SAMD12: variants seen among roughly 807,000 people sequenced by gnomAD.
SAMD12 encodes the protein sterile alpha motif domain-containing protein 12.
Under a neutral mutation model 15.0 loss-of-function variants are expected in SAMD12, and 9 were observed. The observed-to-expected ratio is 0.60, with a 90% CI of 0.36 to 1.05. SAMD12 has a LOEUF of 1.05. Among genes scored for constraint, SAMD12 ranks in the 50% least tolerant of loss-of-function variants. SAMD12 has a pLI of 0.01. For missense variants in SAMD12, 230 were observed against 234.2 expected, an observed-to-expected ratio of 0.98 and a Z score of 0.12; for synonymous variants, 86 against 90.1, an observed-to-expected ratio of 0.96 and a Z score of 0.25.
intron 2 of SAMD12, among the ~76,000 whole-genome samples, chr8:118,572,114 T>C (rs1827027622): frequency 6.6e-6 from 1 of 152,236 alleles, no homozygotes; most frequent in Non-Finnish European, 1.5e-5. Flanking sequence ...ATGTGAGATA[T>C]GGAGTCAAAG....
intron 2 of SAMD12, among the ~76,000 whole-genome samples, chr8:118,458,922 A>C (rs190158368): frequency 2.0e-5 from 3 of 150,722 alleles, no homozygotes; most frequent in East Asian, 3.9e-4. Context: ...CCATTGTTCA[A>C]AGCAAATAGT....
At chr8:118,406,890 T>TTG (rs3052708) in intron 3 of SAMD12, among the ~76,000 whole-genome samples, 11,129 of 147,362 alleles carry the variant, frequency 0.076, 426 homozygotes, top group Middle Eastern at 0.12. Flanking sequence ...CAATATTCCA[T>TTG]TGTGTGTGTG....
intron 3 of SAMD12, among the ~76,000 whole-genome samples, chr8:118,425,897 T>C (rs143839388): frequency 0.011 from 1,643 of 152,274 alleles, 10 homozygotes; most frequent in Middle Eastern, 0.031. Flanking sequence ...TAATGGACTT[T>C]TCATAAGAAT....
intron 1 of SAMD12, among the ~76,000 whole-genome samples, chr8:118,619,903 T>C (rs544289617): frequency 6.6e-6 from 1 of 152,284 alleles, no homozygotes; most frequent in East Asian, 1.9e-4. Flanking sequence ...CAGGCTGATA[T>C]CTTTGCAAAG....
At chr8:118,339,567 G>A (rs1355332642) in intron 4 of SAMD12, among the ~76,000 whole-genome samples, 2 of 152,218 alleles carry the variant, frequency 1.3e-5, no homozygotes, top group Non-Finnish European at 2.9e-5. Flanking sequence ...CAGCTCTGAG[G>A]AGTGGTGCTG....
chr8:118,348,231 C>T (rs1357400493), intron 4 of SAMD12, among the ~76,000 whole-genome samples: 1 of 152,124 alleles, frequency 6.6e-6, no homozygotes, highest in East Asian at 1.9e-4. Flanking sequence ...TATGTGCTAC[C>T]ATGCCTGGCT....
intron 2 of SAMD12, among the ~76,000 whole-genome samples, chr8:118,499,898 A>C (rs896206917): frequency 1.1e-4 from 17 of 152,158 alleles, no homozygotes; most frequent in Middle Eastern, 3.4e-3. Context: ...GACTGTCCTT[A>C]ATATGGCTTC....
At chr8:118,262,040 C>A (rs1813090441) in intron 4 of SAMD12, among the ~76,000 whole-genome samples, 1 of 151,978 alleles carries the variant, frequency 6.6e-6, no homozygotes, top group Non-Finnish European at 1.5e-5. Context: ...ATGAACAAAT[C>A]TGGAGGAAAT....
intron 4 of SAMD12, among the ~76,000 whole-genome samples, chr8:118,201,035 T>C (rs1819701381): frequency 2.0e-5 from 3 of 152,194 alleles, no homozygotes; most frequent in Admixed American, 1.3e-4. Context: ...CACATCTGTA[T>C]AGTGATGGGT....
chr8:118,283,066 G>A (rs1241779740), intron 4 of SAMD12, among the ~76,000 whole-genome samples: 3 of 152,046 alleles, frequency 2.0e-5, no homozygotes, highest in African/African-American at 7.2e-5. Context: ...AATTTCACAT[G>A]ATCTCAATAG....
chr8:118,605,232 T>C (rs1827957818), intron 1 of SAMD12, among the ~76,000 whole-genome samples: 1 of 152,222 alleles, frequency 6.6e-6, no homozygotes, highest in Non-Finnish European at 1.5e-5. Flanking sequence ...GGACAGTAAT[T>C]TGTTGCTTTC....
At chr8:118,593,282 G>A (rs1011561708) in intron 1 of SAMD12, among the ~76,000 whole-genome samples, 13 of 152,208 alleles carry the variant, frequency 8.5e-5, no homozygotes, top group African/African-American at 2.9e-4. Context: ...AAGGCTAAAA[G>A]TAGTTCAAAG....
chr8:118,170,507 T>C, the SAMD12 span, among the ~76,000 whole-genome samples: 2 of 152,194 alleles, frequency 1.3e-5, no homozygotes. Context: ...GGCATGCTAC[T>C]GTAAAAATAA....
chr8:118,456,808 C>G (rs1319986555), intron 2 of SAMD12, among the ~76,000 whole-genome samples: 1 of 152,222 alleles, frequency 6.6e-6, no homozygotes, highest in Non-Finnish European at 1.5e-5. Context: ...AGAAGCCTTT[C>G]TGTCACTGTA....
intron 2 of SAMD12, among the ~76,000 whole-genome samples, chr8:118,569,675 T>C (rs1311048978): frequency 6.6e-6 from 1 of 152,054 alleles, no homozygotes; most frequent in Non-Finnish European, 1.5e-5. Context: ...CTTAGCTCAC[T>C]CTCTCTGCCA....
intron 3 of SAMD12, among the ~76,000 whole-genome samples, chr8:118,413,539 T>C (rs1821529176): frequency 6.6e-6 from 1 of 152,196 alleles, no homozygotes; most frequent in African/African-American, 2.4e-5. Context: ...ACAATGGTCT[T>C]ATCTCTGGAT....
At chr8:118,547,017 T>TCC (rs1826149078) in intron 2 of SAMD12, among the ~76,000 whole-genome samples, 1 of 152,210 alleles carries the variant, frequency 6.6e-6, no homozygotes, top group Non-Finnish European at 1.5e-5. Flanking sequence ...AAAGAATGTT[T>TCC]ACAGAATATT....
chr8:118,511,512 G>T (rs1330006990), intron 2 of SAMD12, among the ~76,000 whole-genome samples: 4 of 151,860 alleles, frequency 2.6e-5, no homozygotes, highest in African/African-American at 9.7e-5. Context: ...GGGTAGATTT[G>T]ATAATGCAAA....
At chr8:118,578,218 C>T (rs1827199035) in intron 2 of SAMD12, among the ~76,000 whole-genome samples, 1 of 152,130 alleles carries the variant, frequency 6.6e-6, no homozygotes, top group African/African-American at 2.4e-5. Flanking sequence ...TCTTCTACAT[C>T]CTCATAAAGG....
Sources: allele counts gnomAD v4.1 joint callset (sites outside exome capture counted in the v4.1 genomes callset), GRCh38; gene constraint gnomAD v4.1.1; transcripts MANE v1.5; gene names NCBI Gene and HGNC (gene_info 2026-07-23, HGNC 2026-07-21).